B3GALNT2: variants seen among roughly 807,000 people sequenced by gnomAD.
B3GALNT2 encodes beta-1,3-N-acetylgalactosaminyltransferase 2.
A neutral mutation model predicts 61.1 loss-of-function variants in B3GALNT2; 53 were observed. That is an observed-to-expected ratio of 0.87 (90% CI 0.70 to 1.09). The LOEUF (loss-of-function observed/expected upper bound fraction) is 1.09. Among genes scored for constraint, B3GALNT2 ranks in the 50% least tolerant of loss-of-function variants. The pLI, the probability that B3GALNT2 is intolerant of heterozygous loss-of-function variation, is 0.00. For synonymous variants in B3GALNT2, 223 were observed against 237.4 expected, an observed-to-expected ratio of 0.94 and a Z score of 0.56; for missense variants, 544 against 623.0, an observed-to-expected ratio of 0.87 and a Z score of 1.35.
At chr1:235,490,919 A>G (rs747887901) in intron 2 of B3GALNT2, among the ~76,000 whole-genome samples, 6 of 152,110 alleles carry the variant, frequency 3.9e-5, no homozygotes, top group Non-Finnish European at 7.4e-5. Flanking sequence ...TGAATTGGCC[A>G]TAGTGGAAAT....
chr1:235,440,031 C>T, the B3GALNT2 span, among the ~76,000 whole-genome samples: 3 of 151,834 alleles, frequency 2.0e-5, no homozygotes, highest in Non-Finnish European at 4.4e-5. Flanking sequence ...AGTGCAGTGC[C>T]GCGATCTCCG....
chr1:235,470,345 C>G (rs1683927832), intron 6 of B3GALNT2, among the ~76,000 whole-genome samples: 1 of 152,044 alleles, frequency 6.6e-6, no homozygotes, highest in Non-Finnish European at 1.5e-5. Context: ...TAATACAGCA[C>G]TTTGGGAAGC....
chr1:235,498,843 C>CAAAAAAAAAAAAAAAAAAAAAA (rs57291873), intron 1 of B3GALNT2, among the ~76,000 whole-genome samples: 4 of 64,118 alleles, frequency 6.2e-5, no homozygotes, highest in Admixed American at 5.4e-4. Context: ...GACTCCTTCT[C>CAAAAAAAAAAAAAAAAAAAAAA]AAAAAAAAAA....
chr1:235,491,078 AAT>A (rs1685045154), intron 2 of B3GALNT2, among the ~76,000 whole-genome samples: 1 of 143,038 alleles, frequency 7.0e-6, no homozygotes, highest in Non-Finnish European at 1.6e-5. Flanking sequence ...CTACAGAGTG[AAT>A]AGTTAAAAAA....
Position 235,504,301 on chromosome 1 carries a change from G to C in B3GALNT2, c.-49C>G, listed in dbSNP as rs745397097. 6.8e-7 allele frequency: 1 copy of C among 1,471,726 alleles called. No individual in the cohort carries two copies. The allele number at this position is 1,471,726 out of a possible 1,614,324, so 91.2% of individuals were successfully genotyped here. The stretch of plus-strand genomic sequence containing the variant: ...GCTCTCCCGCGTCCCGGCGGAGAGG[G>C]AGGGGACCTGCAAGTGCGGAGACTG... On this transcript the variant is annotated 5_prime_UTR_variant, in exon 1 of 12. Transcript: ENST00000366600.
rs1188881218 is a variant in B3GALNT2, at chr1:235,478,947, TG to T, written c.651+1106del. The T allele has an allele frequency of 3.3e-5, 5 of 152,360 alleles. No homozygotes were observed. In the East Asian group the frequency reaches 5.8e-4, roughly 18 times the overall value. 9.4% of individuals were successfully genotyped at this position (152,360 alleles called of 1,614,324 possible). ...TTTGGCTTTTATTTAAAAGTCGTTTTGTTTTTTTTAATTTATTTTTTGACTG... is the reference window on the plus strand; with the variant it reads ...TTTGGCTTTTATTTAAAAGTCGTTTTTTTTTTTTAATTTATTTTTTGACTG... On this transcript the variant is annotated intron_variant, in intron 5 of 11. Coordinates refer to ENST00000366600, the MANE Select transcript of B3GALNT2 (RefSeq NM_152490.5).
chr1:235,471,555 T>C (rs1282327007), intron 5 of B3GALNT2, among the ~76,000 whole-genome samples: 4 of 152,236 alleles, frequency 2.6e-5, no homozygotes, highest in Non-Finnish European at 5.9e-5. Context: ...TTATCAGCAA[T>C]GTATGAGAAT....
intron 5 of B3GALNT2, among the ~76,000 whole-genome samples, chr1:235,474,472 C>T (rs1048625320): frequency 4.6e-5 from 7 of 152,152 alleles, no homozygotes; most frequent in African/African-American, 1.7e-4. Context: ...ACATTAACAA[C>T]TTCTTGTGGA....
Position 235,474,971 on chromosome 1 carries a change from ATATATATATATATATATTTTTTT to A in B3GALNT2, c.652-4034_652-4012del, listed in dbSNP as rs1273474958. On this transcript the variant is annotated intron_variant, in intron 5 of 11. Transcript: ENST00000366600. ...GAGACATATATATATATATATATAT[ATATATATATATATATATTTTTTT>A]TTTTTTTTTTTTTTTTGAGACGGAG... Among the ~76,000 whole-genome samples, 36 of 30,100 alleles carry A rather than the reference ATATATATATATATATATTTTTTT, an allele frequency of 1.2e-3. 3 individuals carry two copies. Among genetic ancestry groups the A allele is most frequent in the African/African-American group, 7.2e-3 (36 of 4,968 alleles). 19.7% of individuals were successfully genotyped at this position (30,100 alleles called of 152,430 possible).
At chr1:235,462,425 CTCTT>C (rs1222967488) in intron 7 of B3GALNT2, among the ~76,000 whole-genome samples, 1 of 152,180 alleles carries the variant, frequency 6.6e-6, no homozygotes, top group Non-Finnish European at 1.5e-5. Context: ...GCAAAACTCT[CTCTT>C]CTTACAGATG....
chr1:235,497,710 T>C (rs1213799262), intron 1 of B3GALNT2, among the ~76,000 whole-genome samples: 1 of 152,226 alleles, frequency 6.6e-6, no homozygotes, highest in Non-Finnish European at 1.5e-5. Flanking sequence ...TATCCCTTTC[T>C]TGTCATTAAT....
intron 1 of B3GALNT2, chr1:235,496,373 G>A: frequency 1.1e-6 from 1 of 934,808 alleles, no homozygotes; most frequent in Non-Finnish European, 1.3e-6. Context: ...ACTCTACAAT[G>A]AGTCATGTAC....
chr1:235,494,007 T>C (rs1456037640), intron 2 of B3GALNT2, among the ~76,000 whole-genome samples: 4 of 152,126 alleles, frequency 2.6e-5, no homozygotes, highest in Admixed American at 2.0e-4. Context: ...AACTGAGAGC[T>C]ATCTAATGTC....
rs745668309 is a variant in B3GALNT2, at chr1:235,448,460, A to ACAAAGT, written c.*1740_*1745dup. The ACAAAGT allele has an allele frequency of 9.6e-5, 155 of 1,610,220 alleles. No homozygotes were observed. Among genetic ancestry groups the ACAAAGT allele is most frequent in the Non-Finnish European group, 1.3e-4 (151 of 1,176,538 alleles). On this transcript the variant is annotated 3_prime_UTR_variant, in exon 12 of 12. Coordinates refer to ENST00000366600, the MANE Select transcript of B3GALNT2 (RefSeq NM_152490.5). ...CCCAAAGTAAGTTGCCCAGCAAAAT[A>ACAAAGT]CAAAGTCAAAGTCAAGCTTAGTCCT...
intron 7 of B3GALNT2, 131 bp from the exon 8 acceptor site, chr1:235,458,917 G>T (rs1683291218): frequency 1.2e-6 from 1 of 827,198 alleles, no homozygotes; most frequent in Non-Finnish European, 1.8e-6. Flanking sequence ...GGAACTTTAG[G>T]TAGAAAAATG....
chr1:235,493,102 G>A (rs1454997386), intron 2 of B3GALNT2, among the ~76,000 whole-genome samples: 1 of 152,144 alleles, frequency 6.6e-6, no homozygotes, highest in African/African-American at 2.4e-5. Context: ...TCAGAGAAGG[G>A]GACTTCTGCA....
intron 5 of B3GALNT2, among the ~76,000 whole-genome samples, chr1:235,474,998 T>A (rs1281716094): frequency 9.9e-6 from 1 of 101,142 alleles, no homozygotes; most frequent in Admixed American, 1.0e-4. Flanking sequence ...TTTTTTTTTT[T>A]TTTTTTTTTT....
chr1:235,440,534 A>T, the B3GALNT2 span, among the ~76,000 whole-genome samples: 27 of 152,132 alleles, frequency 1.8e-4, no homozygotes, highest in Admixed American at 6.5e-5. Flanking sequence ...CTGGGATTAC[A>T]GGCGTCTGCC....
chr1:235,489,107 C>T, intron 3 of B3GALNT2, 61 bp downstream of exon 3: 1 of 1,589,190 alleles, frequency 6.3e-7, no homozygotes, highest in South Asian at 1.1e-5. Context: ...TACTATTAAG[C>T]TTAGCAACTT....
Sources: allele counts gnomAD v4.1 joint callset (sites outside exome capture counted in the v4.1 genomes callset), GRCh38; gene constraint gnomAD v4.1.1; transcripts MANE v1.5; gene names NCBI Gene and HGNC (gene_info 2026-07-23, HGNC 2026-07-21).